MOGAT1: variants seen among roughly 807,000 people sequenced by gnomAD.
The protein encoded by MOGAT1 is 2-acylglycerol O-acyltransferase 1.
MOGAT1 carries 32 observed loss-of-function variants against 31.4 expected under a neutral mutation model. The ratio of observed to expected loss-of-function variants is 1.02; its 90% CI spans 0.77 to 1.37. The LOEUF (loss-of-function observed/expected upper bound fraction) is 1.37, where lower values mean the gene tolerates loss of function less well. Among genes scored for constraint, MOGAT1 ranks in the 40% most tolerant of loss-of-function variants. The pLI is 0.00. For synonymous variants in MOGAT1, 145 were observed against 144.5 expected (o/e 1.00, Z -0.03); for missense variants, 426 against 402.0 (o/e 1.06, Z -0.51).
Position 222,694,645 on chromosome 2 carries a change from G to T in MOGAT1, c.653+109G>T, listed in dbSNP as rs530349168. ...AGCCCTTAAAGACCTCCTCCAAATC[G>T]ATCTGACAGTAAAAGCAGGTGTGGA... On this transcript the variant is annotated intron_variant, in intron 4 of 5. Coordinates refer to ENST00000446656, the MANE Select transcript of MOGAT1 (RefSeq NM_058165.3). The T allele has an allele frequency of 4.8e-6, 5 of 1,049,510 alleles. No homozygotes were observed. In the South Asian group the frequency reaches 8.6e-5, roughly 18 times the overall value. The allele number at this position is 1,049,510 out of a possible 1,614,324, so 65.0% of individuals were successfully genotyped here. A position where few individuals can be genotyped will look rare whatever the true frequency, so the allele number is the denominator to read the frequency against.
At chr2:222,691,397 C>T (rs1692758752) in intron 3 of MOGAT1, among the ~76,000 whole-genome samples, 1 of 151,512 alleles carries the variant, frequency 6.6e-6, no homozygotes, top group African/African-American at 2.4e-5. Flanking sequence ...TTAGTAGAAA[C>T]GGGGTTTCAC....
intron 1 of MOGAT1, 97 bp downstream of exon 1, chr2:222,671,976 G>A: frequency 9.9e-7 from 1 of 1,012,886 alleles, no homozygotes; most frequent in Non-Finnish European, 1.5e-6. Flanking sequence ...TCCAACCCTC[G>A]TTCCCCTGTC....
rs1283888901 is a variant in MOGAT1, at chr2:222,701,486, AAG to A, written c.853+6205_853+6206del. Among the ~76,000 whole-genome samples, 15 of 150,162 alleles carry A rather than the reference AAG, an allele frequency of 1.0e-4. No homozygotes were observed. In the East Asian group the frequency reaches 1.7e-3, roughly 17 times the overall value. ...AAAAAGAAAGAAAGAGAAAGAAAGA[AAG>A]AGAGAGTGGGGAGGGATGGAAGGAA... On this transcript the variant is annotated intron_variant, in intron 5 of 5. Transcript: ENST00000446656.
intron 1 of MOGAT1, among the ~76,000 whole-genome samples, chr2:222,673,317 T>G (rs1396885136): frequency 2.1e-5 from 2 of 95,326 alleles, no homozygotes; most frequent in Non-Finnish European, 4.2e-5. Flanking sequence ...CCTGTGCTGC[T>G]AGGTAGAATT....
At position 222,688,527 on chromosome 2, in the gene MOGAT1, G is replaced by A. The variant is rs762399259; in HGVS notation, c.273+5G>A. 2 of 1,590,298 alleles carry A rather than the reference G, an allele frequency of 1.3e-6. No homozygotes were observed. Among genetic ancestry groups the A allele is most frequent in the Non-Finnish European group, 1.7e-6 (2 of 1,168,060 alleles). ...AAGGACTATTTTCCAATTCATGTGA[G>A]TACAGTTGTTTTATAAAGTATTATT... On this transcript the variant is annotated splice_donor_5th_base_variant and intron_variant, in intron 2 of 5. Transcript: ENST00000446656.
chr2:222,678,361 T>A (rs1479349402), intron 1 of MOGAT1: 1 of 152,296 alleles, frequency 6.6e-6, no homozygotes, highest in Non-Finnish European at 1.5e-5. Context: ...TCTTTTCATG[T>A]GCTTAGTTGC....
chr2:222,694,679 G>A, intron 4 of MOGAT1, 143 bp downstream of exon 4: 1 of 790,312 alleles, frequency 1.3e-6, no homozygotes, highest in South Asian at 1.9e-5. Flanking sequence ...GATGTTCTTG[G>A]GGAATGGAAT....
chr2:222,692,376 C>G (rs1260030005), intron 3 of MOGAT1, among the ~76,000 whole-genome samples: 1 of 152,196 alleles, frequency 6.6e-6, no homozygotes, highest in Non-Finnish European at 1.5e-5. Flanking sequence ...TGGCCAGTAG[C>G]AGGTGCTCAA....
At chr2:222,709,661 G>T in intron 5 of MOGAT1, 75 bp from the exon 6 acceptor site, 1 of 1,372,198 alleles carries the variant, frequency 7.3e-7, no homozygotes, top group Non-Finnish European at 1.0e-6. Context: ...TGTGTTCACA[G>T]CTGTGCATTA....
chr2:222,694,665 T>C, intron 4 of MOGAT1, 129 bp downstream of exon 4: 1 of 877,104 alleles, frequency 1.1e-6, no homozygotes, highest in Non-Finnish European at 1.7e-6. Flanking sequence ...TAAAAGCAGG[T>C]GTGGATGTTC....
intron 5 of MOGAT1, among the ~76,000 whole-genome samples, chr2:222,701,596 A>G (rs561390505): frequency 2.2e-5 from 3 of 138,976 alleles, no homozygotes; most frequent in African/African-American, 5.6e-5. Context: ...GAAAGAAAGA[A>G]AGGGAGGGAG....
intron 1 of MOGAT1, among the ~76,000 whole-genome samples, chr2:222,681,495 T>C (rs1196508073): frequency 2.6e-5 from 4 of 152,166 alleles, no homozygotes; most frequent in African/African-American, 2.4e-5. Flanking sequence ...CCCCATGGTG[T>C]TGGGGTACAC....
intron 1 of MOGAT1, among the ~76,000 whole-genome samples, chr2:222,684,397 C>T (rs896374647): frequency 4.6e-5 from 7 of 151,334 alleles, no homozygotes; most frequent in African/African-American, 1.5e-4. Context: ...TGGAGTGAGA[C>T]TCTGTCTCAA....
rs373958089 is a variant in MOGAT1 at position 222,701,540 on chromosome 2, A to AG, written c.853+6252_853+6253insG. ...GAAGGGAAAAGAAAGAAAGAGAAAG[A>AG]AAAAAGAAAAAAGAAAGAAAGAGAA... On this transcript the variant is annotated intron_variant, in intron 5 of 5. Transcript: ENST00000446656. 1.2e-3 allele frequency among the ~76,000 whole-genome samples: 112 copies of AG among 91,188 alleles called. 2 individuals are homozygous for AG. Among genetic ancestry groups the AG allele is most frequent in the African/African-American group, 5.6e-3 (101 of 18,138 alleles). 59.8% of individuals were successfully genotyped at this position (91,188 alleles called of 152,430 possible).
chr2:222,701,338 AT>A (rs1692918412), intron 5 of MOGAT1, among the ~76,000 whole-genome samples: 2 of 142,700 alleles, frequency 1.4e-5, no homozygotes, highest in Non-Finnish European at 3.1e-5. Context: ...GATAAAAGGA[AT>A]TAAAGAGGGA....
intron 5 of MOGAT1, among the ~76,000 whole-genome samples, chr2:222,709,365 TCA>T (rs1693078382): frequency 6.6e-6 from 1 of 152,142 alleles, no homozygotes; most frequent in African/African-American, 2.4e-5. Flanking sequence ...ACGTGAGGAT[TCA>T]CAGTCAGTAA....
At chr2:222,697,551 G>A (rs555346482) in intron 5 of MOGAT1, among the ~76,000 whole-genome samples, 1 of 148,588 alleles carries the variant, frequency 6.7e-6, no homozygotes, top group South Asian at 2.2e-4. Flanking sequence ...AGAAATTCCT[G>A]TGGAAGGGAG....
intron 1 of MOGAT1, among the ~76,000 whole-genome samples, chr2:222,679,949 C>A (rs1692553030): frequency 6.6e-6 from 1 of 152,164 alleles, no homozygotes; most frequent in Non-Finnish European, 1.5e-5. Flanking sequence ...ATGACAATAG[C>A]CAATCCACTT....
At chr2:222,677,024 C>G (rs1043343126) in intron 1 of MOGAT1, among the ~76,000 whole-genome samples, 37 of 152,138 alleles carry the variant, frequency 2.4e-4, no homozygotes, top group African/African-American at 8.4e-4. Flanking sequence ...TGAGATATAA[C>G]AGTCAATATC....
Sources: allele counts gnomAD v4.1 joint callset (sites outside exome capture counted in the v4.1 genomes callset), GRCh38; gene constraint gnomAD v4.1.1; transcripts MANE v1.5; gene names NCBI Gene and HGNC (gene_info 2026-07-23, HGNC 2026-07-21).